Variants in AQP8 observed in about 807,000 individuals in gnomAD.
AQP8 encodes the protein aquaporin 8.
In AQP8, 14 loss-of-function variants were observed where a neutral mutation model predicts 26.1. That is an observed-to-expected ratio of 0.54 (90% CI 0.35 to 0.84). The LOEUF is 0.84. Ranked by LOEUF, AQP8 falls within the 40% of genes least tolerant of loss-of-function variation. The pLI is 0.01. For missense variants in AQP8, 301 were observed against 340.5 expected, an observed-to-expected ratio of 0.88 and a Z score of 0.91; for synonymous variants, 131 against 150.7, an observed-to-expected ratio of 0.87 and a Z score of 0.96.
intron 2 of AQP8, 119 bp downstream of exon 2, chr16:25,217,564 G>T (rs1227913568): frequency 2.2e-6 from 3 of 1,394,436 alleles, no homozygotes; most frequent in Non-Finnish European, 1.9e-6. Context: ...GAGCGCTCTG[G>T]ATAACTATGG....
Position 25,228,634 on chromosome 16 carries a change from C to G in AQP8, c.*142C>G. ...TGCTTCCACTGCTTGGGCCTGCTTTCTCAGATAGACTGACTGCTGAGGAGG... is the reference window on the plus strand; with the variant it reads ...TGCTTCCACTGCTTGGGCCTGCTTTGTCAGATAGACTGACTGCTGAGGAGG... On this transcript the variant is annotated 3_prime_UTR_variant, in exon 6 of 6. Transcript: ENST00000219660. 1 of 767,542 alleles carries G rather than the reference C, an allele frequency of 1.3e-6. No individual in the cohort carries two copies. The highest frequency in any genetic ancestry group is 2.7e-5 in the East Asian group (1 of 37,572). The allele number at this position is 767,542 out of a possible 1,614,324, so 47.5% of individuals were successfully genotyped here. A position where few individuals can be genotyped will look rare whatever the true frequency, so the allele number is the denominator to read the frequency against.
At chr16:25,223,187 G>T (rs543953903) in intron 3 of AQP8, among the ~76,000 whole-genome samples, 2 of 152,230 alleles carry the variant, frequency 1.3e-5, no homozygotes, top group Admixed American at 6.5e-5. Context: ...AAGTTCAGAC[G>T]TGCCTGTAAG....
At chr16:25,224,799 T>G (rs1036694923) in intron 4 of AQP8, among the ~76,000 whole-genome samples, 1 of 152,218 alleles carries the variant, frequency 6.6e-6, no homozygotes, top group African/African-American at 2.4e-5. Context: ...GCTGGGTACA[T>G]GGGTCTGGGC....
In AQP8 at chr16:25,224,036, A is replaced by C. The variant is rs983872704; in HGVS notation, c.388-326A>C. On this transcript the variant is annotated intron_variant, in intron 3 of 5. Coordinates refer to ENST00000219660, the MANE Select transcript of AQP8 (RefSeq NM_001169.3). ...GAGATGGGGTTTCACCATGTTGGCA[A>C]GGCTGGTCTCAAACTCCTGGGCTCT... Among the ~76,000 whole-genome samples, 6 of 152,174 alleles carry C rather than the reference A, an allele frequency of 3.9e-5. No homozygotes were observed. The East Asian group carries it at 9.7e-4, about 24-fold the overall frequency.
At chr16:25,218,221 A>G (rs113661229) in intron 2 of AQP8, among the ~76,000 whole-genome samples, 14 of 152,332 alleles carry the variant, frequency 9.2e-5, no homozygotes, top group African/African-American at 2.4e-4. Flanking sequence ...TGTTATTGTT[A>G]CCACTAGAAG....
rs758512373 is a variant in AQP8, at chr16:25,217,251, G to A, written c.66G>A (p.Val22=). ...FGNDKAREPS[V]GGRWRVSWYE... Reference sequence around the variant, plus strand: ...ATGACAAGGCCAGGGAGCCGAGCGTGGGTGGCAGGTGGCGAGTGTCCTGGT... The same window carrying A: ...ATGACAAGGCCAGGGAGCCGAGCGTAGGTGGCAGGTGGCGAGTGTCCTGGT... The change falls in exon 2 of 6, where the codon GTG becomes GTA. Residue 22 remains valine, a synonymous_variant. Coordinates refer to ENST00000219660, the MANE Select transcript of AQP8 (RefSeq NM_001169.3). 1.9e-6 allele frequency: 3 copies of A among 1,614,102 alleles called. No individual in the cohort carries two copies. Among genetic ancestry groups the A allele is most frequent in the Non-Finnish European group, 2.5e-6 (3 of 1,180,052 alleles).
intron 2 of AQP8, among the ~76,000 whole-genome samples, chr16:25,218,682 G>A (rs764586346): frequency 9.2e-5 from 14 of 152,104 alleles, no homozygotes; most frequent in Non-Finnish European, 2.1e-4. Flanking sequence ...GAGTTGGAGA[G>A]CAGCCTGGCC....
Position 25,217,594 on chromosome 16 carries a change from G to T in AQP8, c.260+149G>T, listed in dbSNP as rs540161435. 2.1e-5 allele frequency: 23 copies of T among 1,070,882 alleles called. No homozygotes were observed. The African/African-American group carries it at 3.6e-4, about 17-fold the overall frequency. 66.3% of individuals were successfully genotyped at this position (1,070,882 alleles called of 1,614,324 possible). The stretch of plus-strand genomic sequence containing the variant: ...CTATGGGGTTGGGAGTCAGACTGGG[G>T]TCAACTCCAGACCCCGCAGCCTGTG... On this transcript the variant is annotated intron_variant, in intron 2 of 5. Transcript: ENST00000219660.
At chr16:25,224,305 C>G (rs1048490447) in intron 3 of AQP8, 57 bp from the exon 4 acceptor site, 7 of 1,529,478 alleles carry the variant, frequency 4.6e-6, no homozygotes, top group Non-Finnish European at 6.2e-6. Context: ...GCCCTCTCCC[C>G]TCAGTTTCCA....
chr16:25,220,590 C>T (rs1168619064), intron 2 of AQP8, among the ~76,000 whole-genome samples: 2 of 152,184 alleles, frequency 1.3e-5, no homozygotes, highest in African/African-American at 4.8e-5. Context: ...CAATCCCTAA[C>T]CTGGTCATGA....
chr16:25,219,210 C>A (rs549680523), intron 2 of AQP8, among the ~76,000 whole-genome samples: 17 of 151,640 alleles, frequency 1.1e-4, no homozygotes, highest in Non-Finnish European at 2.2e-4. Context: ...GGTTATGTAA[C>A]TTTGCCAATG....
chr16:25,221,648 G>A, intron 3 of AQP8, 65 bp downstream of exon 3: 1 of 1,598,296 alleles, frequency 6.3e-7, no homozygotes. Context: ...GTGCATATGT[G>A]GGTGTGTGTG....
intron 3 of AQP8, 120 bp downstream of exon 3, chr16:25,221,703 C>A: frequency 8.0e-7 from 1 of 1,253,622 alleles, no homozygotes; most frequent in Non-Finnish European, 1.1e-6. Flanking sequence ...TTGCTTGTTT[C>A]TGCCAGTGGA....
intron 5 of AQP8, among the ~76,000 whole-genome samples, chr16:25,228,240 C>G (rs1484943491): frequency 5.3e-5 from 8 of 151,444 alleles, no homozygotes; most frequent in African/African-American, 1.9e-4. Flanking sequence ...GTACTCCAGC[C>G]TGGGTGAGTG....
chr16:25,223,021 T>C (rs1962584267), intron 3 of AQP8, among the ~76,000 whole-genome samples: 1 of 152,248 alleles, frequency 6.6e-6, no homozygotes, highest in Non-Finnish European at 1.5e-5. Context: ...TTATTTCATC[T>C]CCCAGCAACT....
At chr16:25,220,008 C>T (rs1962536547) in intron 2 of AQP8, among the ~76,000 whole-genome samples, 1 of 151,646 alleles carries the variant, frequency 6.6e-6, no homozygotes, top group Non-Finnish European at 1.5e-5. Context: ...GCACTCCAGC[C>T]TGGGTGACAA....
At chr16:25,224,265 C>T (rs35286716) in intron 3 of AQP8, 97 bp from the exon 4 acceptor site, 209,734 of 1,139,392 alleles carry the variant, frequency 0.18, 20,466 homozygotes, top group Non-Finnish European at 0.21. Flanking sequence ...CCTTCACTGG[C>T]TCTTAAGGTG....
intron 4 of AQP8, among the ~76,000 whole-genome samples, chr16:25,224,902 GT>G (rs1206878575): frequency 5.9e-5 from 9 of 152,224 alleles, no homozygotes; most frequent in Admixed American, 4.6e-4. Flanking sequence ...TGTGAACTGT[GT>G]TCATTCGGTC....
chr16:25,224,487 T>C lies in AQP8; in HGVS notation c.513T>C (p.Ala171=). 1 of 1,614,164 alleles carries C rather than the reference T, an allele frequency of 6.2e-7. No homozygotes were observed. Among genetic ancestry groups the C allele is most frequent in the Non-Finnish European group, 8.5e-7 (1 of 1,180,032 alleles). Reference sequence around the variant, plus strand: ...TCCTGACGACGCTGCTGGCCCTGGCTGTATGCATGGGTGCCATCAATGAGA... The same window carrying C: ...TCCTGACGACGCTGCTGGCCCTGGCCGTATGCATGGGTGCCATCAATGAGA... ...EIILTTLLAL[A]VCMGAINEKT... The change falls in exon 4 of 6, where the codon GCT becomes GCC. Residue 171 remains alanine, a synonymous_variant. Transcript: ENST00000219660.
Sources: allele counts gnomAD v4.1 joint callset (sites outside exome capture counted in the v4.1 genomes callset), GRCh38; gene constraint gnomAD v4.1.1; transcripts MANE v1.5; gene names NCBI Gene and HGNC (gene_info 2026-07-23, HGNC 2026-07-21).